The following FANCC variants were observed in gnomAD, a reference collection of about 807,000 sequenced individuals.
The protein encoded by FANCC is FA complementation group C, also known as Fanconi anemia group C protein.
FANCC carries 55 observed loss-of-function variants against 71.3 expected under a neutral mutation model. That is an observed-to-expected ratio of 0.77 (90% CI 0.62 to 0.97). The LOEUF (loss-of-function observed/expected upper bound fraction) is 0.97, where lower values mean the gene tolerates loss of function less well. Among genes scored for constraint, FANCC ranks in the 50% least tolerant of loss-of-function variants. The pLI is 0.00. For synonymous variants in FANCC, 275 were observed against 244.9 expected, an observed-to-expected ratio of 1.12 and a Z score of -1.15; for missense variants, 678 against 670.9, an observed-to-expected ratio of 1.01 and a Z score of -0.12.
At chr9:95,251,475 C>T (rs1588358102) in intron 1 of FANCC, among the ~76,000 whole-genome samples, 1 of 152,024 alleles carries the variant, frequency 6.6e-6, no homozygotes, top group Non-Finnish European at 1.5e-5. Flanking sequence ...ACAACCACGC[C>T]CGGCTAATTT....
chr9:95,138,211 C>A (rs528640588), intron 7 of FANCC, among the ~76,000 whole-genome samples: 1 of 152,338 alleles, frequency 6.6e-6, no homozygotes, highest in African/African-American at 2.4e-5. Flanking sequence ...GAAGCCAGGG[C>A]GGCTGAGGTT....
At chr9:95,276,051 GT>G (rs1833020057) in intron 1 of FANCC, among the ~76,000 whole-genome samples, 1 of 152,172 alleles carries the variant, frequency 6.6e-6, no homozygotes, top group South Asian at 2.1e-4. Flanking sequence ...CAGATGCTTG[GT>G]TTTTCCAGAC....
intron 4 of FANCC, among the ~76,000 whole-genome samples, chr9:95,231,866 TG>T (rs1166104264): frequency 1.3e-5 from 2 of 152,242 alleles, no homozygotes; most frequent in Non-Finnish European, 2.9e-5. Flanking sequence ...CTCCAATTAT[TG>T]GGTCTATGCC....
At chr9:95,202,776 T>A (rs1303588505) in intron 4 of FANCC, among the ~76,000 whole-genome samples, 1 of 152,096 alleles carries the variant, frequency 6.6e-6, no homozygotes, top group Non-Finnish European at 1.5e-5. Flanking sequence ...ATCCCCAAAC[T>A]AGAAATCAAT....
intron 4 of FANCC, among the ~76,000 whole-genome samples, chr9:95,201,567 T>G (rs1447418836): frequency 6.6e-6 from 1 of 151,676 alleles, no homozygotes; most frequent in Non-Finnish European, 1.5e-5. Flanking sequence ...TTCAAAGCAA[T>G]CCACTAACAA....
At chr9:95,132,592 A>G (rs1039799380) in intron 8 of FANCC, among the ~76,000 whole-genome samples, 2 of 152,222 alleles carry the variant, frequency 1.3e-5, no homozygotes, top group Non-Finnish European at 2.9e-5. Context: ...CGTGGCAGAC[A>G]GCATGACTCG....
intron 4 of FANCC, among the ~76,000 whole-genome samples, chr9:95,217,027 A>G (rs1406166413): frequency 2.0e-5 from 3 of 152,238 alleles, no homozygotes. Flanking sequence ...TGAAGTTTAC[A>G]TGGAACAATT....
rs143362149 is a variant in FANCC, at chr9:95,163,296, T to C, written c.521+7783A>G. On this transcript the variant is annotated intron_variant, in intron 6 of 14. Transcript: ENST00000289081. ...CTATTCTGTTTTAATGGTCAATATG[T>C]CTGCCTTTATGCCAGTACCACACTG... Among the ~76,000 whole-genome samples, 315 of 152,326 alleles carry C rather than the reference T, an allele frequency of 2.1e-3. 1 individual carries two copies. Among genetic ancestry groups the C allele is most frequent in the African/African-American group, 7.3e-3 (305 of 41,584 alleles).
rs867058105 is a variant in FANCC, at chr9:95,195,260, T to G, written c.346-23113A>C. On this transcript the variant is annotated intron_variant, in intron 4 of 14. Coordinates refer to ENST00000289081, the MANE Select transcript of FANCC (RefSeq NM_000136.3). ...GTTCCAGAGCCTTTTTTTTTTTTTT[T>G]GAAAAGTTTTATAGTTTTACATTTT... Among the ~76,000 whole-genome samples the G allele has an allele frequency of 9.9e-3, 899 of 90,802 alleles. 5 individuals carry two copies. The highest frequency in any genetic ancestry group is 0.014 in the Non-Finnish European group (618 of 43,280). The allele number at this position is 90,802 out of a possible 152,430, so 59.6% of individuals were successfully genotyped here.
At chr9:95,127,731 C>T (rs945638877) in intron 8 of FANCC, among the ~76,000 whole-genome samples, 29 of 152,230 alleles carry the variant, frequency 1.9e-4, no homozygotes, top group African/African-American at 6.8e-4. Context: ...AAAAAGGAGG[C>T]GCTCTGCTCC....
intron 1 of FANCC, chr9:95,292,508 G>T: frequency 6.8e-7 from 1 of 1,464,856 alleles, no homozygotes; most frequent in South Asian, 1.4e-5. Context: ...TGACGCAGCA[G>T]CCCGCGGCCT....
intron 1 of FANCC, among the ~76,000 whole-genome samples, chr9:95,276,418 G>A (rs1459362689): frequency 6.6e-6 from 1 of 152,200 alleles, no homozygotes; most frequent in African/African-American, 2.4e-5. Flanking sequence ...TCTGGTCACA[G>A]GGAGCTTGGT....
intron 1 of FANCC, among the ~76,000 whole-genome samples, chr9:95,282,106 T>C (rs1833413641): frequency 6.6e-6 from 1 of 150,394 alleles, no homozygotes. Context: ...AGACACAGAG[T>C]AGCTAAATGG....
At chr9:95,213,453 A>AG (rs1828633346) in intron 4 of FANCC, among the ~76,000 whole-genome samples, 3 of 152,202 alleles carry the variant, frequency 2.0e-5, no homozygotes, top group Admixed American at 2.0e-4. Flanking sequence ...GCAGAAAGAC[A>AG]GACATACAGA....
intron 4 of FANCC, among the ~76,000 whole-genome samples, chr9:95,235,883 A>C (rs913842386): frequency 1.4e-4 from 19 of 136,200 alleles, no homozygotes; most frequent in Non-Finnish European, 2.4e-4. Flanking sequence ...AACAAGGGGC[A>C]CATGGGGGGC....
intron 1 of FANCC, among the ~76,000 whole-genome samples, chr9:95,277,954 G>T (rs569354296): frequency 1.3e-5 from 2 of 152,252 alleles, no homozygotes; most frequent in African/African-American, 4.8e-5. Flanking sequence ...AAAGAACACT[G>T]ATAATTATGT....
intron 3 of FANCC, among the ~76,000 whole-genome samples, chr9:95,243,960 C>T (rs548829660): frequency 3.3e-5 from 5 of 152,336 alleles, no homozygotes; most frequent in East Asian, 3.9e-4. Context: ...CATACCTCAA[C>T]AGGAAACTGA....
chr9:95,102,360 C>T (rs190609232), intron 14 of FANCC, among the ~76,000 whole-genome samples: 69 of 152,316 alleles, frequency 4.5e-4, no homozygotes, highest in Admixed American at 1.4e-3. Flanking sequence ...GGTTTTAACA[C>T]CTGATTCTTG....
intron 6 of FANCC, among the ~76,000 whole-genome samples, chr9:95,155,955 G>A (rs1340048549): frequency 6.6e-6 from 1 of 151,098 alleles, no homozygotes; most frequent in South Asian, 2.1e-4. Context: ...CAAACTCCTG[G>A]GTTCAAGCAA....
Sources: allele counts gnomAD v4.1 joint callset (sites outside exome capture counted in the v4.1 genomes callset), GRCh38; gene constraint gnomAD v4.1.1; transcripts MANE v1.5; gene names NCBI Gene and HGNC (gene_info 2026-07-23, HGNC 2026-07-21).